Variants in MFGE8 observed in about 807,000 individuals in gnomAD.
MFGE8 encodes the protein lactadherin.
In MFGE8, 34 loss-of-function variants were observed where a neutral mutation model predicts 42.6. That is an observed-to-expected ratio of 0.80 (90% CI 0.61 to 1.06). MFGE8 has a LOEUF of 1.06. MFGE8 is among the 50% of genes least tolerant of loss of function. The pLI is 0.00. For synonymous variants in MFGE8, 230 were observed against 214.8 expected (o/e 1.07, Z -0.62); for missense variants, 510 against 516.9 (o/e 0.99, Z 0.13).
At position 88,906,015 on chromosome 15, in the gene MFGE8, G is replaced by C. The variant is rs1898659427; in HGVS notation, c.541-114C>G. ...GAGGCAGAGGTGGGGCTGGGAGGGT[G>C]AAGAGGACTTGGAAGAGCCAGCAGA... On this transcript the variant is annotated intron_variant, in intron 4 of 7. Coordinates refer to ENST00000268150, the MANE Select transcript of MFGE8 (RefSeq NM_005928.4). This position sits in a 1 kb window ranked among gnomAD's most constrained non-coding sequence, Gnocchi z 4.2. 2.3e-6 allele frequency: 3 copies of C among 1,320,766 alleles called. No homozygotes were observed. The South Asian group carries it at 3.6e-5, about 16-fold the overall frequency. 81.8% of individuals were successfully genotyped at this position (1,320,766 alleles called of 1,614,324 possible).
chr15:88,899,768 T>TG lies in MFGE8; in HGVS notation c.913dup (p.Gln305ProfsTer5), dbSNP rs781107383. 6.2e-7 allele frequency: 1 copy of TG among 1,614,094 alleles called. No individual in the cohort carries two copies. The highest frequency in any genetic ancestry group is 8.5e-7 in the Non-Finnish European group (1 of 1,179,962). ...GACAGAGCCAAAGTTACGGGCCCCC[T>TG]GGGTGATGATGCCTGTCACCTCCTT... On this transcript the variant is annotated frameshift_variant, in exon 7 of 8. Transcript: ENST00000268150. LOFTEE classifies it high-confidence loss of function. This position sits in a 1 kb window ranked among gnomAD's most constrained non-coding sequence, Gnocchi z 6.8.
intron 1 of MFGE8, among the ~76,000 whole-genome samples, chr15:88,911,768 C>G (rs1898969424): frequency 6.6e-6 from 1 of 151,912 alleles, no homozygotes; most frequent in East Asian, 1.9e-4. Flanking sequence ...TTGCCTCCCC[C>G]TCAGAGTCAC....
chr15:88,913,348 C>G lies in MFGE8; in HGVS notation c.-29G>C. 7.1e-7 allele frequency: 1 copy of G among 1,411,918 alleles called. No individual in the cohort carries two copies. Among genetic ancestry groups the G allele is most frequent in the Non-Finnish European group, 9.2e-7 (1 of 1,092,330 alleles). The allele number at this position is 1,411,918 out of a possible 1,614,324, so 87.5% of individuals were successfully genotyped here. A position where few individuals can be genotyped will look rare whatever the true frequency, so the allele number is the denominator to read the frequency against. ...GCGGGGACGCGGGCGCTGGAATGGGCACGCTGGGCTGCTCAGACCCCGCGG... is the reference window on the plus strand; with the variant it reads ...GCGGGGACGCGGGCGCTGGAATGGGGACGCTGGGCTGCTCAGACCCCGCGG... On this transcript the variant is annotated 5_prime_UTR_variant, in exon 1 of 8. Transcript: ENST00000268150.
Position 88,899,279 on chromosome 15 carries a change from C to T in MFGE8, c.*116G>A, listed in dbSNP as rs932430521. 2.1e-6 allele frequency: 3 copies of T among 1,426,542 alleles called. No homozygotes were observed. Among genetic ancestry groups the T allele is most frequent in the South Asian group, 1.2e-5 (1 of 83,336 alleles). 88.4% of individuals were successfully genotyped at this position (1,426,542 alleles called of 1,614,324 possible). A position where few individuals can be genotyped will look rare whatever the true frequency, so the allele number is the denominator to read the frequency against. On this transcript the variant is annotated 3_prime_UTR_variant, in exon 8 of 8. Coordinates refer to ENST00000268150, the MANE Select transcript of MFGE8 (RefSeq NM_005928.4). The surrounding 1 kb of genome is among the most constrained non-coding windows in gnomAD (Gnocchi z 6.8). ...AGGGGTGACTGTGTGGTGGTGCTGC[C>T]TCTGAACACCCTCCCCTTCCCCAGT...
Position 88,906,599 on chromosome 15 carries a change from C to T in MFGE8, c.540+27G>A. The T allele has an allele frequency of 1.9e-6, 3 of 1,613,584 alleles. No homozygotes were observed. The highest frequency in any genetic ancestry group is 2.5e-6 in the Non-Finnish European group (3 of 1,179,762). On this transcript the variant is annotated intron_variant, in intron 4 of 7. Transcript: ENST00000268150. This position sits in a 1 kb window ranked among gnomAD's most constrained non-coding sequence, Gnocchi z 4.2. ...ACCTTAGGGGGTATGGACCACAGCC[C>T]TTCTTTCGGGCCCCAACAAGACCTA...
chr15:88,906,095 CCT>C lies in MFGE8; in HGVS notation c.541-196_541-195del. 1.6e-6 allele frequency: 1 copy of C among 645,088 alleles called. No homozygotes were observed. Among genetic ancestry groups the C allele is most frequent in the Non-Finnish European group, 2.7e-6 (1 of 367,612 alleles). 40.0% of individuals were successfully genotyped at this position (645,088 alleles called of 1,614,324 possible). On this transcript the variant is annotated intron_variant, in intron 4 of 7. Coordinates refer to ENST00000268150, the MANE Select transcript of MFGE8 (RefSeq NM_005928.4). The surrounding 1 kb of genome is among the most constrained non-coding windows in gnomAD (Gnocchi z 4.2). Reference sequence around the variant, plus strand: ...CCCCACGGCCCTCCACAAAGATTCTCCTCTCACTTTCCTTAATCATCATGGAG... The same window carrying C: ...CCCCACGGCCCTCCACAAAGATTCTCCTCACTTTCCTTAATCATCATGGAG...
At chr15:88,909,450 C>G (rs894761904) in intron 2 of MFGE8, among the ~76,000 whole-genome samples, 5 of 152,228 alleles carry the variant, frequency 3.3e-5, no homozygotes, top group African/African-American at 1.2e-4. Context: ...CAACTTAACC[C>G]TAATGCTGTG....
intron 2 of MFGE8, among the ~76,000 whole-genome samples, chr15:88,909,516 C>T (rs1430872232): frequency 6.6e-6 from 1 of 152,232 alleles, no homozygotes; most frequent in Admixed American, 6.5e-5. Context: ...AGGGTGACCA[C>T]AACCCCTCAC....
rs1898404070 is a variant in MFGE8, at chr15:88,901,272, C to A, written c.870+279G>T. On this transcript the variant is annotated intron_variant, in intron 6 of 7. Transcript: ENST00000268150. ...ACGCACGCATTCACACGCACGCATTCACACACACTCACATTCACACACATT... is the reference window on the plus strand; with the variant it reads ...ACGCACGCATTCACACGCACGCATTAACACACACTCACATTCACACACATT... Among the ~76,000 whole-genome samples, 2 of 59,424 alleles carry A rather than the reference C, an allele frequency of 3.4e-5. 1 individual carries two copies. Among genetic ancestry groups the A allele is most frequent in the African/African-American group, 8.8e-5 (2 of 22,684 alleles). The allele number at this position is 59,424 out of a possible 152,430, so 39.0% of individuals were successfully genotyped here. A position where few individuals can be genotyped will look rare whatever the true frequency, so the allele number is the denominator to read the frequency against.
chr15:88,901,174 CTCACACATTCACACACACAT>C (rs1455799091), intron 6 of MFGE8, among the ~76,000 whole-genome samples: 3,023 of 105,672 alleles, frequency 0.029, 405 homozygotes, highest in African/African-American at 0.094. Context: ...CACACACATT[CTCACACATTCACACACACAT>C]TCACACATTC....
At chr15:88,900,694 C>T in intron 6 of MFGE8, 1 of 985,370 alleles carries the variant, frequency 1.0e-6, no homozygotes, top group Non-Finnish European at 1.2e-6. Context: ...GATCATCGTC[C>T]TGCCAGCTCT....
intron 5 of MFGE8, chr15:88,904,527 CA>C (rs1898576662): frequency 1.3e-5 from 2 of 152,266 alleles, no homozygotes; most frequent in Admixed American, 1.3e-4. Flanking sequence ...TGGATACAGG[CA>C]ACTTTAATGG....
At position 88,906,723 on chromosome 15, in the gene MFGE8, C is replaced by T. The variant is rs371227978; in HGVS notation, c.443G>A (p.Arg148His). Residue 148 changes from arginine to histidine, a missense_variant, in exon 4 of 8, where the codon CGC (arginine) becomes CAC (histidine). Coordinates refer to ENST00000268150, the MANE Select transcript of MFGE8 (RefSeq NM_005928.4). The surrounding 1 kb of genome is among the most constrained non-coding windows in gnomAD (Gnocchi z 4.2). ...CTTCAGGTACTCATGACTGGCCAAG[C>T]GGCTGGCACCCTGCGTCACCACACC... ...VTGVVTQGAS[R>H]LASHEYLKAF... The T allele has an allele frequency of 6.3e-4, 1,015 of 1,613,764 alleles. 15 individuals carry two copies. In the South Asian group the frequency reaches 0.011, roughly 17 times the overall value.
Position 88,899,290 on chromosome 15 carries a change from C to T in MFGE8, c.*105G>A. The T allele has an allele frequency of 6.6e-7, 1 of 1,505,084 alleles. No homozygotes were observed. 93.2% of individuals were successfully genotyped at this position (1,505,084 alleles called of 1,614,324 possible). On this transcript the variant is annotated 3_prime_UTR_variant, in exon 8 of 8. Coordinates refer to ENST00000268150, the MANE Select transcript of MFGE8 (RefSeq NM_005928.4). This position sits in a 1 kb window ranked among gnomAD's most constrained non-coding sequence, Gnocchi z 6.8. ...TGTGGTGGTGCTGCCTCTGAACACC[C>T]TCCCCTTCCCCAGTCCCCAGCCCTA...
chr15:88,912,949 AAG>A, intron 1 of MFGE8: 2 of 985,428 alleles, frequency 2.0e-6, no homozygotes, highest in Non-Finnish European at 1.2e-6. Context: ...CACCAGGGAA[AAG>A]AGAGGCCCGA....
chr15:88,901,767 G>C lies in MFGE8; in HGVS notation c.686-32C>G. The C allele has an allele frequency of 1.9e-6, 3 of 1,606,324 alleles. No individual in the cohort carries two copies. In the South Asian group the frequency reaches 3.3e-5, roughly 18 times the overall value. On this transcript the variant is annotated intron_variant, in intron 5 of 7. Transcript: ENST00000268150. Reference sequence around the variant, plus strand: ...GCAAGGTGGGCTGTCATCTGGATCTGGGATCCACAGCTCCCAGGGGCAGGA... The same window carrying C: ...GCAAGGTGGGCTGTCATCTGGATCTCGGATCCACAGCTCCCAGGGGCAGGA...
Position 88,899,042 on chromosome 15 carries a change from T to C in MFGE8, c.*353A>G. On this transcript the variant is annotated 3_prime_UTR_variant, in exon 8 of 8. Coordinates refer to ENST00000268150, the MANE Select transcript of MFGE8 (RefSeq NM_005928.4). This position sits in a 1 kb window ranked among gnomAD's most constrained non-coding sequence, Gnocchi z 6.8. ...GGAATGTGATGTGTGAGAGAGGGGC[T>C]AGGAGAGACAGAGACACACGCACCT... 2 of 378,358 alleles carry C rather than the reference T, an allele frequency of 5.3e-6. No homozygotes were observed. The highest frequency in any genetic ancestry group is 1.0e-5 in the Non-Finnish European group (2 of 197,710). The allele number at this position is 378,358 out of a possible 1,614,324, so 23.4% of individuals were successfully genotyped here. A position where few individuals can be genotyped will look rare whatever the true frequency, so the allele number is the denominator to read the frequency against.
intron 2 of MFGE8, among the ~76,000 whole-genome samples, chr15:88,908,972 T>G (rs1020943226): frequency 7.9e-5 from 12 of 152,012 alleles, no homozygotes; most frequent in African/African-American, 2.7e-4. Flanking sequence ...AGATGTCCCC[T>G]GTCCCCTACC....
In MFGE8 at chr15:88,898,825, AC is replaced by A; in HGVS notation, c.*569del. The A allele has an allele frequency of 5.8e-6, 1 of 171,070 alleles. No homozygotes were observed. Among genetic ancestry groups the A allele is most frequent in the Non-Finnish European group, 1.3e-5 (1 of 78,654 alleles). The allele number at this position is 171,070 out of a possible 1,614,324, so 10.6% of individuals were successfully genotyped here. A position where few individuals can be genotyped will look rare whatever the true frequency, so the allele number is the denominator to read the frequency against. On this transcript the variant is annotated 3_prime_UTR_variant, in exon 8 of 8. Transcript: ENST00000268150. ...CCCTTTCTCCCCATAGACCCGCCCC[AC>A]CCCCTTCTGTGTCGCTGGGCTTCAG...
Sources: gnomAD v4.1 joint callset for allele counts (sites outside exome capture counted in the v4.1 genomes callset) on GRCh38, gnomAD v4.1.1 for gene constraint, Gnocchi (gnomAD v3.1) non-coding constraint, MANE v1.5 for transcripts, NCBI Gene and HGNC (gene_info 2026-07-23, HGNC 2026-07-21) for gene names.